Variants in ADAD1 observed in about 807,000 individuals in gnomAD.
The protein encoded by ADAD1 is adenosine deaminase domain-containing protein 1.
A neutral mutation model predicts 66.8 loss-of-function variants in ADAD1; 46 were observed. The observed-to-expected ratio is 0.69, with a 90% CI of 0.54 to 0.88. The LOEUF (loss-of-function observed/expected upper bound fraction) is 0.88. ADAD1 is among the 40% of genes least tolerant of loss of function. ADAD1 has a pLI of 0.00. For synonymous variants in ADAD1, 248 were observed against 229.4 expected (o/e 1.08, Z -0.73); for missense variants, 617 against 681.8 (o/e 0.91, Z 1.06).
intron 11 of ADAD1, among the ~76,000 whole-genome samples, chr4:122,418,463 C>T (rs1796854158): frequency 6.6e-6 from 1 of 151,984 alleles, no homozygotes; most frequent in African/African-American, 2.4e-5. Context: ...GCTGAGACTA[C>T]AGGCGCCCGC....
intron 12 of ADAD1, among the ~76,000 whole-genome samples, chr4:122,427,488 A>AGCTGATTGTGAAATTGATAT (rs1797296764): frequency 6.8e-6 from 1 of 147,396 alleles, no homozygotes; most frequent in African/African-American, 2.5e-5. Context: ...GAAATTGACA[A>AGCTGATTGTGAAATTGATAT]GCTGATTGTG....
intron 5 of ADAD1, among the ~76,000 whole-genome samples, chr4:122,387,971 G>T (rs2150537323): frequency 6.6e-6 from 1 of 152,184 alleles, no homozygotes; most frequent in South Asian, 2.1e-4. Context: ...GTGTTAGCCA[G>T]GATGGTCTTG....
At chr4:122,391,315 C>A (rs1455047329) in intron 5 of ADAD1, among the ~76,000 whole-genome samples, 2 of 152,196 alleles carry the variant, frequency 1.3e-5, no homozygotes, top group Non-Finnish European at 2.9e-5. Context: ...TGCCTGACAA[C>A]CCCTGTTGGA....
chr4:122,395,926 G>T (rs1320534089), intron 6 of ADAD1, among the ~76,000 whole-genome samples: 2 of 152,216 alleles, frequency 1.3e-5, no homozygotes, highest in Non-Finnish European at 2.9e-5. Flanking sequence ...CTTGCAAAGT[G>T]TGGCACAGTC....
chr4:122,401,987 A>G (rs1321182318), intron 7 of ADAD1, among the ~76,000 whole-genome samples: 1 of 151,788 alleles, frequency 6.6e-6, no homozygotes, highest in Non-Finnish European at 1.5e-5. Context: ...CCATTTACAT[A>G]CAACATTAGT....
intron 5 of ADAD1, among the ~76,000 whole-genome samples, chr4:122,387,146 C>T (rs987623546): frequency 1.1e-4 from 17 of 148,202 alleles, no homozygotes; most frequent in African/African-American, 3.2e-4. Flanking sequence ...TTTCTTTTCA[C>T]GATATTGATT....
intron 4 of ADAD1, among the ~76,000 whole-genome samples, chr4:122,383,244 C>A (rs1164546575): frequency 2.6e-5 from 4 of 152,092 alleles, no homozygotes; most frequent in Non-Finnish European, 5.9e-5. Context: ...TCTCCCACTC[C>A]CCAACCTTCA....
chr4:122,391,522 G>T (rs1795443724), intron 5 of ADAD1, among the ~76,000 whole-genome samples: 1 of 152,154 alleles, frequency 6.6e-6, no homozygotes, highest in Non-Finnish European at 1.5e-5. Flanking sequence ...AGGGGCTCAG[G>T]CCCAGGGAGA....
intron 12 of ADAD1, among the ~76,000 whole-genome samples, chr4:122,423,053 G>A (rs1354127076): frequency 6.6e-6 from 1 of 151,492 alleles, no homozygotes; most frequent in African/African-American, 2.4e-5. Context: ...CCTTGCCCAA[G>A]GCTTTTCTCA....
At chr4:122,415,932 A>G (rs1297112092) in intron 11 of ADAD1, among the ~76,000 whole-genome samples, 1 of 152,152 alleles carries the variant, frequency 6.6e-6, no homozygotes, top group Non-Finnish European at 1.5e-5. Flanking sequence ...GTAATTTCAT[A>G]TCATTAGTAT....
At chr4:122,385,374 G>C (rs1178677751) in intron 5 of ADAD1, among the ~76,000 whole-genome samples, 56 of 152,142 alleles carry the variant, frequency 3.7e-4, no homozygotes, top group Admixed American at 3.7e-3. Context: ...CCGGGTTCAA[G>C]TGATTCTCAT....
intron 2 of ADAD1, among the ~76,000 whole-genome samples, chr4:122,379,843 A>G (rs1374659192): frequency 6.6e-6 from 1 of 151,610 alleles, no homozygotes; most frequent in Admixed American, 6.6e-5. Context: ...CCTCCTTTGT[A>G]GCAGAGGTTT....
chr4:122,398,149 A>G (rs1795801252), intron 7 of ADAD1, among the ~76,000 whole-genome samples: 2 of 149,228 alleles, frequency 1.3e-5, no homozygotes, highest in African/African-American at 4.9e-5. Flanking sequence ...CCCCCCTGCT[A>G]CCCTTCCCCC....
Position 122,412,911 on chromosome 4 carries a change from A to G in ADAD1, c.1249+102A>G. The stretch of plus-strand genomic sequence containing the variant: ...TTAGTTTTAGTTTTTGCATACGTGA[A>G]ACTTTATTTAAGGTCAAAACACAGA... On this transcript the variant is annotated intron_variant, in intron 10 of 12. Transcript: ENST00000296513. 3 of 938,084 alleles carry G rather than the reference A, an allele frequency of 3.2e-6. No homozygotes were observed. The South Asian group carries it at 5.0e-5, about 16-fold the overall frequency. The allele number at this position is 938,084 out of a possible 1,614,324, so 58.1% of individuals were successfully genotyped here.
intron 12 of ADAD1, among the ~76,000 whole-genome samples, chr4:122,422,583 G>A (rs202240432): frequency 9.2e-5 from 14 of 151,952 alleles, no homozygotes; most frequent in African/African-American, 1.9e-4. Flanking sequence ...CTGTAAAGCC[G>A]TTACATTAAT....
rs2150580532 is a variant in ADAD1, at chr4:122,411,444, C to T, written c.1019+52C>T. ...AAGCAAGTAGGATGGCCATGCCATA[C>T]ATTCTGACTTTCTACAGCAAATAGA... On this transcript the variant is annotated intron_variant, in intron 9 of 12. Transcript: ENST00000296513. 2 of 1,497,032 alleles carry T rather than the reference C, an allele frequency of 1.3e-6. 1 individual carries two copies. The allele number at this position is 1,497,032 out of a possible 1,614,324, so 92.7% of individuals were successfully genotyped here.
chr4:122,416,464 T>C lies in ADAD1; in HGVS notation c.1487+848T>C, dbSNP rs181641545. ...GTTTCTTAGCAGTCAAGAAAGCTCA[T>C]ACCTGTAATCCTAGCAGTTTGGGAG... On this transcript the variant is annotated intron_variant, in intron 11 of 12. Coordinates refer to ENST00000296513, the MANE Select transcript of ADAD1 (RefSeq NM_139243.4). Among the ~76,000 whole-genome samples the C allele has an allele frequency of 3.9e-3, 592 of 152,326 alleles. 12 individuals carry two copies. The highest frequency in any genetic ancestry group is 6.9e-4 in the Non-Finnish European group (47 of 68,010).
chr4:122,417,366 T>C (rs1397917244), intron 11 of ADAD1, among the ~76,000 whole-genome samples: 1 of 139,678 alleles, frequency 7.2e-6, no homozygotes, highest in African/African-American at 2.7e-5. Flanking sequence ...AGCCAGAATA[T>C]ATAGTCTAAA....
Position 122,418,109 on chromosome 4 carries a change from G to A in ADAD1, c.1487+2493G>A, listed in dbSNP as rs528474735. Among the ~76,000 whole-genome samples, 3 of 152,026 alleles carry A rather than the reference G, an allele frequency of 2.0e-5. No homozygotes were observed. In the South Asian group the frequency reaches 6.2e-4, roughly 32 times the overall value. ...AAGTCAGAATTACTTATGAAATGCT[G>A]ATAAGAAAAATCACCAATGTCATAT... On this transcript the variant is annotated intron_variant, in intron 11 of 12. Coordinates refer to ENST00000296513, the MANE Select transcript of ADAD1 (RefSeq NM_139243.4).
Sources: allele counts gnomAD v4.1 joint callset (sites outside exome capture counted in the v4.1 genomes callset), GRCh38; gene constraint gnomAD v4.1.1; transcripts MANE v1.5; gene names NCBI Gene and HGNC (gene_info 2026-07-23, HGNC 2026-07-21).